TMEM106B: variants seen among roughly 807,000 people sequenced by gnomAD.
TMEM106B encodes transmembrane protein 106B.
TMEM106B carries 15 observed loss-of-function variants against 31.1 expected under a neutral mutation model. The observed-to-expected ratio is 0.48, with a 90% CI of 0.32 to 0.74. TMEM106B has a LOEUF of 0.74. Ranked by LOEUF, TMEM106B falls within the 30% of genes least tolerant of loss-of-function variation. TMEM106B has a pLI of 0.03. For synonymous variants in TMEM106B, 126 were observed against 112.5 expected, an observed-to-expected ratio of 1.12 and a Z score of -0.76; for missense variants, 283 against 327.3, an observed-to-expected ratio of 0.86 and a Z score of 1.04.
rs895985262 is a variant in TMEM106B, at chr7:12,236,827, G to A, written c.*4852G>A. ...TAGGCATAAATTATTAACAAGCCATGCCTTATGTGTTTCATCTTATATTTT... is the reference window on the plus strand; with the variant it reads ...TAGGCATAAATTATTAACAAGCCATACCTTATGTGTTTCATCTTATATTTT... On this transcript the variant is annotated 3_prime_UTR_variant, in exon 8 of 8. Transcript: ENST00000396668. 3.9e-5 allele frequency: 6 copies of A among 151,982 alleles called. No individual in the cohort carries two copies. Among genetic ancestry groups the A allele is most frequent in the Non-Finnish European group, 7.4e-5 (5 of 67,918 alleles). The allele number at this position is 151,982 out of a possible 1,614,324, so 9.4% of individuals were successfully genotyped here. A position where few individuals can be genotyped will look rare whatever the true frequency, so the allele number is the denominator to read the frequency against.
In TMEM106B at chr7:12,229,894, G is replaced by A. The variant is rs530748530; in HGVS notation, c.582+75G>A. The A allele has an allele frequency of 6.4e-5, 93 of 1,460,180 alleles. No individual in the cohort carries two copies. In the East Asian group the frequency reaches 2.0e-3, roughly 32 times the overall value. The allele number at this position is 1,460,180 out of a possible 1,614,324, so 90.5% of individuals were successfully genotyped here. ...TTGTATATCATATAACTTGAAGGAG[G>A]TGGGGGATTTCCTCAAAAACTTGAT... On this transcript the variant is annotated intron_variant, in intron 5 of 7. Coordinates refer to ENST00000396668, the MANE Select transcript of TMEM106B (RefSeq NM_001134232.2).
chr7:12,218,401 G>A (rs1781728498), intron 2 of TMEM106B, 57 bp from the exon 3 acceptor site: 2 of 1,416,354 alleles, frequency 1.4e-6, no homozygotes, highest in Non-Finnish European at 2.0e-6. Flanking sequence ...GTGATGGGGA[G>A]CCATTATATT....
At chr7:12,222,232 T>G (rs1781802477) in intron 3 of TMEM106B, among the ~76,000 whole-genome samples, 1 of 152,200 alleles carries the variant, frequency 6.6e-6, no homozygotes, top group Non-Finnish European at 1.5e-5. Context: ...TAGCACCTTA[T>G]AACTCCCAGG....
At chr7:12,213,130 A>T (rs1781613782) in intron 1 of TMEM106B, among the ~76,000 whole-genome samples, 1 of 152,090 alleles carries the variant, frequency 6.6e-6, no homozygotes, top group African/African-American at 2.4e-5. Flanking sequence ...ACTAGTACTA[A>T]TTATTTATTT....
At chr7:12,230,543 A>G in intron 6 of TMEM106B, 105 bp downstream of exon 6, 1 of 744,650 alleles carries the variant, frequency 1.3e-6, no homozygotes, top group Non-Finnish European at 2.1e-6. Context: ...AGTCAAAAAG[A>G]GTACATTATG....
chr7:12,220,707 G>T (rs977273556), intron 3 of TMEM106B, among the ~76,000 whole-genome samples: 1 of 152,106 alleles, frequency 6.6e-6, no homozygotes, highest in Non-Finnish European at 1.5e-5. Flanking sequence ...AATTACATCT[G>T]CATTTACTTT....
chr7:12,223,351 T>A (rs200014372), intron 3 of TMEM106B, among the ~76,000 whole-genome samples: 3 of 148,676 alleles, frequency 2.0e-5, no homozygotes, highest in Non-Finnish European at 3.0e-5. Flanking sequence ...CATTTTTTTT[T>A]AATTTTAAAA....
intron 4 of TMEM106B, among the ~76,000 whole-genome samples, chr7:12,227,589 TTAA>T (rs1781926405): frequency 7.9e-6 from 1 of 127,078 alleles, no homozygotes; most frequent in Non-Finnish European, 1.8e-5. Flanking sequence ...AACCATTTTC[TTAA>T]TGAATGTTTA....
chr7:12,212,021 C>T (rs1407274463), intron 1 of TMEM106B, among the ~76,000 whole-genome samples: 1 of 152,058 alleles, frequency 6.6e-6, no homozygotes, highest in Non-Finnish European at 1.5e-5. Context: ...TTGAGTCTCC[C>T]AAGAATAAAA....
chr7:12,228,494 A>G (rs950947164), intron 4 of TMEM106B, among the ~76,000 whole-genome samples: 5 of 151,882 alleles, frequency 3.3e-5, no homozygotes, highest in South Asian at 2.1e-4. Context: ...AATATTCCAT[A>G]TAAGGACTTA....
chr7:12,231,795 A>T (rs777218455), intron 7 of TMEM106B, 42 bp from the exon 8 acceptor site: 98 of 1,513,278 alleles, frequency 6.5e-5, no homozygotes, highest in Non-Finnish European at 8.3e-5. Context: ...AAAACTTCTA[A>T]TATAACTATT....
rs1782096160 is a variant in TMEM106B at position 12,234,767 on chromosome 7, A to C, written c.*2792A>C. ...ATCCAGTACTATAACAAACCTCTGTATGTTGATAGCACATTGGCCCTTTTT... is the reference window on the plus strand; with the variant it reads ...ATCCAGTACTATAACAAACCTCTGTCTGTTGATAGCACATTGGCCCTTTTT... On this transcript the variant is annotated 3_prime_UTR_variant, in exon 8 of 8. Transcript: ENST00000396668. 1 of 143,434 alleles carries C rather than the reference A, an allele frequency of 7.0e-6. No individual in the cohort carries two copies. The highest frequency in any genetic ancestry group is 1.5e-5 in the Non-Finnish European group (1 of 66,132). The allele number at this position is 143,434 out of a possible 1,614,324, so 8.9% of individuals were successfully genotyped here.
chr7:12,218,461 A>G lies in TMEM106B; in HGVS notation c.221A>G (p.Gln74Arg). 1 of 1,612,404 alleles carries G rather than the reference A, an allele frequency of 6.2e-7. No individual in the cohort carries two copies. The highest frequency in any genetic ancestry group is 8.5e-7 in the Non-Finnish European group (1 of 1,179,186). The change falls in exon 3 of 8, where the codon CAA (glutamine) becomes CGA (arginine). Residue 74 changes from glutamine to arginine, a missense_variant. Gln to Arg is a conservative substitution (Grantham distance 43, BLOSUM62 1). Transcript: ENST00000396668. ...CQGTGRIPRGQENQLVALIPY... is the reference protein window; with the variant it reads ...CQGTGRIPRGRENQLVALIPY... Reference sequence around the variant, plus strand: ...AACTTACTTCTTTCACATTTAGGGCAAGAAAACCAACTGGTGGCATTGATT... The same window carrying G: ...AACTTACTTCTTTCACATTTAGGGCGAGAAAACCAACTGGTGGCATTGATT...
At position 12,231,862 on chromosome 7, in the gene TMEM106B, G is replaced by A. The variant is rs969040562; in HGVS notation, c.712G>A (p.Gly238Ser). The A allele has an allele frequency of 1.2e-5, 20 of 1,600,950 alleles. No homozygotes were observed. The highest frequency in any genetic ancestry group is 1.7e-5 in the Non-Finnish European group (20 of 1,171,162). Reference protein sequence around the residue: ...MQVTVTTTYFGHSEQISQERY... With the variant: ...MQVTVTTTYFSHSEQISQERY... ...AGTTACTGTGACAACAACATACTTT[G>A]GCCACTCTGAACAGATATCCCAGGA... Residue 238 changes from glycine to serine, a missense_variant, in exon 8 of 8, where the codon GGC (glycine) becomes AGC (serine). By Grantham distance (56) the Gly-to-Ser change is moderately conservative. Coordinates refer to ENST00000396668, the MANE Select transcript of TMEM106B (RefSeq NM_001134232.2).
At chr7:12,223,405 A>C (rs148214196) in intron 3 of TMEM106B, among the ~76,000 whole-genome samples, 13 of 152,246 alleles carry the variant, frequency 8.5e-5, no homozygotes, top group Non-Finnish European at 1.5e-4. Flanking sequence ...AATGTGTGCC[A>C]TGGTGGTTTA....
chr7:12,229,601 C>G, intron 4 of TMEM106B, 78 bp from the exon 5 acceptor site: 1 of 1,159,640 alleles, frequency 8.6e-7, no homozygotes, highest in Non-Finnish European at 1.2e-6. Flanking sequence ...ATAGCTACAG[C>G]TGAAGTTACT....
chr7:12,242,210 A>G lies in TMEM106B; in HGVS notation c.*10235A>G, dbSNP rs368689912. ...AACAAGGTGAAACCCCGTCTCTACTAAAAATACAAAAAATTAGCCGGGCGC... is the reference window on the plus strand; with the variant it reads ...AACAAGGTGAAACCCCGTCTCTACTGAAAATACAAAAAATTAGCCGGGCGC... On this transcript the variant is annotated 3_prime_UTR_variant, in exon 8 of 8. Transcript: ENST00000396668. 13 of 93,632 alleles carry G rather than the reference A, an allele frequency of 1.4e-4. 5 individuals carry two copies. The East Asian group carries it at 3.5e-3, about 25-fold the overall frequency. 5.8% of individuals were successfully genotyped at this position (93,632 alleles called of 1,614,324 possible).
chr7:12,226,512 A>G (rs1464042710), intron 4 of TMEM106B, among the ~76,000 whole-genome samples: 3 of 152,088 alleles, frequency 2.0e-5, no homozygotes, highest in Non-Finnish European at 4.4e-5. Flanking sequence ...CAGCCATGAG[A>G]TATATGTGAG....
chr7:12,236,764 A>G lies in TMEM106B; in HGVS notation c.*4789A>G, dbSNP rs560219835. On this transcript the variant is annotated 3_prime_UTR_variant, in exon 8 of 8. Coordinates refer to ENST00000396668, the MANE Select transcript of TMEM106B (RefSeq NM_001134232.2). Reference sequence around the variant, plus strand: ...ATTGTGTCAGATGAAACAAATGCCAAGTTGCAAAATATGCAGATTTTTATT... The same window carrying G: ...ATTGTGTCAGATGAAACAAATGCCAGGTTGCAAAATATGCAGATTTTTATT... 2.0e-5 allele frequency: 3 copies of G among 152,154 alleles called. No individual in the cohort carries two copies. In the East Asian group the frequency reaches 5.8e-4, roughly 29 times the overall value. 9.4% of individuals were successfully genotyped at this position (152,154 alleles called of 1,614,324 possible). A position where few individuals can be genotyped will look rare whatever the true frequency, so the allele number is the denominator to read the frequency against.
Sources: allele counts gnomAD v4.1 joint callset (sites outside exome capture counted in the v4.1 genomes callset), GRCh38; gene constraint gnomAD v4.1.1; transcripts MANE v1.5; gene names NCBI Gene and HGNC (gene_info 2026-07-23, HGNC 2026-07-21).